The following PTPRZ1 variants were observed in gnomAD, a reference collection of about 807,000 sequenced individuals.
PTPRZ1 encodes the protein receptor-type tyrosine-protein phosphatase zeta.
A neutral mutation model predicts 214.1 loss-of-function variants in PTPRZ1; 82 were observed. The observed-to-expected ratio is 0.38, with a 90% confidence interval of 0.32 to 0.46. PTPRZ1 has a LOEUF of 0.46. Ranked by LOEUF, PTPRZ1 falls within the 20% of genes least tolerant of loss-of-function variation. PTPRZ1 has a pLI of 1.00. For synonymous variants in PTPRZ1, 945 were observed against 987.9 expected, an observed-to-expected ratio of 0.96 and a Z score of 0.81; for missense variants, 2,603 against 2,748.7, an observed-to-expected ratio of 0.95 and a Z score of 1.19.
intron 1 of PTPRZ1, among the ~76,000 whole-genome samples, chr7:121,891,731 A>G (rs1239655276): frequency 1.3e-5 from 2 of 151,856 alleles, no homozygotes; most frequent in Admixed American, 6.6e-5. Flanking sequence ...ATTGTGTTAC[A>G]TACTCTCCAG....
chr7:122,039,303 C>A, intron 19 of PTPRZ1, 151 bp from the exon 20 acceptor site: 1 of 871,980 alleles, frequency 1.1e-6, no homozygotes, highest in Non-Finnish European at 1.7e-6. Context: ...TCCTCCACAA[C>A]TAATTTCAGT....
At chr7:121,909,359 C>T (rs969212735) in intron 1 of PTPRZ1, among the ~76,000 whole-genome samples, 1 of 152,108 alleles carries the variant, frequency 6.6e-6, no homozygotes, top group Non-Finnish European at 1.5e-5. Context: ...GCCTGCTGCC[C>T]TCAGTCCAAC....
intron 13 of PTPRZ1, among the ~76,000 whole-genome samples, chr7:122,025,828 G>C (rs961097966): frequency 1.2e-4 from 19 of 152,184 alleles, no homozygotes; most frequent in African/African-American, 4.6e-4. Flanking sequence ...GTAGAGGAAT[G>C]TTTAAAGCAG....
intron 8 of PTPRZ1, among the ~76,000 whole-genome samples, chr7:121,995,516 G>A (rs955277647): frequency 3.3e-5 from 5 of 152,088 alleles, no homozygotes; most frequent in African/African-American, 9.7e-5. Flanking sequence ...AAAGTACCAG[G>A]GCACTCTCTG....
rs749057733 is a variant in PTPRZ1, at chr7:122,011,246, C to A, written c.2200C>A (p.Gln734Lys). The A allele has an allele frequency of 1.2e-6, 2 of 1,613,914 alleles. No individual in the cohort carries two copies. The highest frequency in any genetic ancestry group is 1.3e-5 in the African/African-American group (1 of 74,926). Residue 734 changes from glutamine (Q) to lysine (K), a missense_variant, in exon 12 of 30, where the codon CAA (glutamine) becomes AAA (lysine). Coordinates refer to ENST00000393386, the MANE Select transcript of PTPRZ1 (RefSeq NM_002851.3). ...TPHAFTPSSR[Q>K]QDLVSTVNVV... ...TCATGCTTTTACCCCATCCTCCAGA[C>A]AACAGGATTTGGTCTCCACGGTCAA...
At chr7:121,921,849 C>T (rs940923323) in intron 1 of PTPRZ1, among the ~76,000 whole-genome samples, 3 of 152,136 alleles carry the variant, frequency 2.0e-5, no homozygotes, top group Admixed American at 2.0e-4. Flanking sequence ...ACAGTAAGTG[C>T]AATGTTTGAG....
chr7:122,015,741 C>T (rs911718284), intron 12 of PTPRZ1, among the ~76,000 whole-genome samples: 2 of 151,942 alleles, frequency 1.3e-5, no homozygotes, highest in African/African-American at 4.8e-5. Flanking sequence ...AAATTATTGA[C>T]TAAAGCTTAG....
chr7:122,040,704 GATT>G (rs1167834046), intron 20 of PTPRZ1, 109 bp from the exon 21 acceptor site: 15 of 750,800 alleles, frequency 2.0e-5, no homozygotes, highest in Non-Finnish European at 2.9e-5. Context: ...ATCAAGCTAT[GATT>G]CCTGACTTGC....
intron 13 of PTPRZ1, among the ~76,000 whole-genome samples, chr7:122,026,459 A>G (rs1584756009): frequency 1.3e-5 from 2 of 152,316 alleles, no homozygotes; most frequent in East Asian, 3.9e-4. Flanking sequence ...AATATGCTCC[A>G]TTCATAGTTG....
At chr7:122,042,475 C>A (rs1347509688) in intron 21 of PTPRZ1, 133 bp from the exon 22 acceptor site, 2 of 834,996 alleles carry the variant, frequency 2.4e-6, no homozygotes, top group African/African-American at 1.7e-5. Flanking sequence ...TATTGAATTG[C>A]CAAATGTATT....
intron 13 of PTPRZ1, among the ~76,000 whole-genome samples, chr7:122,019,511 A>T (rs1035199447): frequency 1.3e-5 from 2 of 152,230 alleles, no homozygotes; most frequent in Non-Finnish European, 2.9e-5. Context: ...GTATTTTGAC[A>T]GTTGTACTTT....
At chr7:121,919,379 G>A (rs1795523766) in intron 1 of PTPRZ1, among the ~76,000 whole-genome samples, 1 of 151,890 alleles carries the variant, frequency 6.6e-6, no homozygotes, top group Non-Finnish European at 1.5e-5. Flanking sequence ...TGATAATTTT[G>A]TATGTGTGGA....
At chr7:121,939,831 G>A (rs916144302) in intron 2 of PTPRZ1, among the ~76,000 whole-genome samples, 1 of 152,060 alleles carries the variant, frequency 6.6e-6, no homozygotes, top group Non-Finnish European at 1.5e-5. Context: ...TTAAAGCATG[G>A]TAAATACCTC....
At chr7:122,036,463 C>T in intron 17 of PTPRZ1, 137 bp from the exon 18 acceptor site, 9 of 620,520 alleles carry the variant, frequency 1.5e-5, no homozygotes, top group Admixed American at 3.1e-5. Context: ...TCTCTGTATC[C>T]CCAAAAAGCC....
chr7:121,998,085 C>G (rs903374843), intron 10 of PTPRZ1, 79 bp downstream of exon 10: 27 of 1,444,594 alleles, frequency 1.9e-5, no homozygotes, highest in Admixed American at 4.7e-5. Context: ...GATGCTTTCT[C>G]TCTATATTCT....
intron 1 of PTPRZ1, among the ~76,000 whole-genome samples, chr7:121,892,702 A>ATATATATATC: frequency 7.3e-6 from 1 of 136,280 alleles, no homozygotes; most frequent in Admixed American, 7.5e-5. Context: ...ATATATATAT[A>ATATATATATC]TATATATATA....
intron 2 of PTPRZ1, among the ~76,000 whole-genome samples, chr7:121,961,418 C>T (rs1796873203): frequency 6.6e-6 from 1 of 152,234 alleles, no homozygotes; most frequent in South Asian, 2.1e-4. Flanking sequence ...CTTGGTTTCT[C>T]CTCTGCCTGT....
chr7:121,977,007 T>C (rs995915324), intron 6 of PTPRZ1, among the ~76,000 whole-genome samples, 156 bp downstream of exon 6: 2 of 152,200 alleles, frequency 1.3e-5, no homozygotes, highest in South Asian at 4.1e-4. Context: ...AATTTATACA[T>C]TTCTCACCAA....
At chr7:121,992,584 C>T (rs1319933968) in intron 8 of PTPRZ1, among the ~76,000 whole-genome samples, 1 of 152,048 alleles carries the variant, frequency 6.6e-6, no homozygotes, top group Non-Finnish European at 1.5e-5. Flanking sequence ...AGAATTTGGC[C>T]TAAATGGCAG....
Sources: gnomAD v4.1 joint callset for allele counts (sites outside exome capture counted in the v4.1 genomes callset) on GRCh38, gnomAD v4.1.1 for gene constraint, MANE v1.5 for transcripts, NCBI Gene and HGNC (gene_info 2026-07-23, HGNC 2026-07-21) for gene names.